The following PRRX1 variants were observed in gnomAD, a reference collection of about 807,000 sequenced individuals.
PRRX1 encodes the protein paired related homeobox 1.
A neutral mutation model predicts 24.0 loss-of-function variants in PRRX1; 8 were observed. That is an observed-to-expected ratio of 0.33 (90% CI 0.20 to 0.60). The LOEUF (loss-of-function observed/expected upper bound fraction) is 0.60, where lower values mean the gene tolerates loss of function less well. Ranked by LOEUF, PRRX1 falls within the 20% of genes least tolerant of loss-of-function variation. The pLI is 0.82. For synonymous variants in PRRX1, 160 were observed against 131.7 expected, an observed-to-expected ratio of 1.22 and a Z score of -1.47; for missense variants, 281 against 322.4, an observed-to-expected ratio of 0.87 and a Z score of 0.98.
At chr1:170,702,789 A>C (rs1270870293) in intron 1 of PRRX1, among the ~76,000 whole-genome samples, 1 of 152,248 alleles carries the variant, frequency 6.6e-6, no homozygotes, top group Non-Finnish European at 1.5e-5. Context: ...AGTGTTTTTA[A>C]AACTTGGAAA....
At chr1:170,727,093 G>C (rs986045019) in intron 3 of PRRX1, 2 of 152,076 alleles carry the variant, frequency 1.3e-5, no homozygotes, top group East Asian at 3.8e-4. Flanking sequence ...GTGTGTATTT[G>C]TGTGTGTGCG....
intron 1 of PRRX1, among the ~76,000 whole-genome samples, chr1:170,686,548 A>C (rs970483270): frequency 3.3e-5 from 5 of 152,144 alleles, no homozygotes; most frequent in African/African-American, 9.7e-5. Context: ...TTCTAGCCTT[A>C]GGGGGTAGCT....
intron 1 of PRRX1, among the ~76,000 whole-genome samples, chr1:170,713,781 T>C (rs1418299402): frequency 6.6e-6 from 1 of 152,210 alleles, no homozygotes; most frequent in Non-Finnish European, 1.5e-5. Flanking sequence ...TAAGGCTTAG[T>C]CTGATACTTG....
intron 3 of PRRX1, among the ~76,000 whole-genome samples, chr1:170,733,866 CTAAA>C (rs1655521058): frequency 6.6e-6 from 1 of 152,058 alleles, no homozygotes; most frequent in South Asian, 2.1e-4. Flanking sequence ...GAACTGTGAA[CTAAA>C]TGATAATACA....
At chr1:170,726,640 C>A (rs557645421) in intron 3 of PRRX1, 1 of 503,894 alleles carries the variant, frequency 2.0e-6, no homozygotes, top group African/African-American at 1.9e-5. Context: ...GACTCAGGAA[C>A]TCTTGCAAAG....
chr1:170,705,554 A>G (rs1654529732), intron 1 of PRRX1, among the ~76,000 whole-genome samples: 1 of 152,142 alleles, frequency 6.6e-6, no homozygotes, highest in Non-Finnish European at 1.5e-5. Context: ...AAGTGCTGGA[A>G]TTACAGGTGT....
intron 3 of PRRX1, among the ~76,000 whole-genome samples, chr1:170,730,039 C>T (rs539833565): frequency 1.1e-4 from 17 of 152,234 alleles, no homozygotes; most frequent in Admixed American, 7.9e-4. Flanking sequence ...GACATCCTTT[C>T]CTAGGTGAAG....
intron 1 of PRRX1, among the ~76,000 whole-genome samples, chr1:170,685,125 T>C (rs972884187): frequency 1.3e-5 from 2 of 152,256 alleles, no homozygotes; most frequent in Non-Finnish European, 2.9e-5. Flanking sequence ...TGCTGAAATA[T>C]TGGTTTTGGA....
At chr1:170,677,868 A>G (rs1056683358) in intron 1 of PRRX1, among the ~76,000 whole-genome samples, 3 of 152,230 alleles carry the variant, frequency 2.0e-5, no homozygotes, top group Admixed American at 6.5e-5. Context: ...ATTGAAGAAG[A>G]CAAATCCCCT....
chr1:170,701,264 G>T lies in PRRX1; in HGVS notation c.242-18462G>T, dbSNP rs560567171. On this transcript the variant is annotated intron_variant, in intron 1 of 3. Coordinates refer to ENST00000239461, the MANE Select transcript of PRRX1 (RefSeq NM_022716.4). Reference sequence around the variant, plus strand: ...ACATAACTCATTTTTGAAGTTACTTGCTTATATATCTGTTTTTCTTCACTA... The same window carrying T: ...ACATAACTCATTTTTGAAGTTACTTTCTTATATATCTGTTTTTCTTCACTA... Among the ~76,000 whole-genome samples, 6 of 152,096 alleles carry T rather than the reference G, an allele frequency of 3.9e-5. No individual in the cohort carries two copies. The East Asian group carries it at 7.7e-4, about 20-fold the overall frequency.
chr1:170,730,310 G>A (rs1655395572), intron 3 of PRRX1: 2 of 1,612,688 alleles, frequency 1.2e-6, no homozygotes, highest in Non-Finnish European at 1.7e-6. Flanking sequence ...GTTTACACGA[G>A]GGGCTTCATA....
At chr1:170,692,765 A>G (rs75118256) in intron 1 of PRRX1, among the ~76,000 whole-genome samples, 1,857 of 150,868 alleles carry the variant, frequency 0.012, 36 homozygotes, top group African/African-American at 0.043. Context: ...ACACACACAG[A>G]CACACGTGCA....
chr1:170,697,733 C>T (rs911437272), intron 1 of PRRX1, among the ~76,000 whole-genome samples: 29 of 142,608 alleles, frequency 2.0e-4, no homozygotes, highest in Non-Finnish European at 3.8e-4. Flanking sequence ...TAAATATATA[C>T]ATATATAAAT....
chr1:170,681,136 T>C (rs959292116), intron 1 of PRRX1, among the ~76,000 whole-genome samples: 42 of 152,228 alleles, frequency 2.8e-4, no homozygotes, highest in African/African-American at 9.4e-4. Context: ...GATCAGGTAC[T>C]GTGCTGGGTA....
rs527783134 is a variant in PRRX1, at chr1:170,737,542, G to A, written c.*1356G>A. The A allele has an allele frequency of 8.6e-5, 18 of 210,010 alleles. No homozygotes were observed. In the South Asian group the frequency reaches 1.3e-3, roughly 15 times the overall value. 13.0% of individuals were successfully genotyped at this position (210,010 alleles called of 1,614,324 possible). A position where few individuals can be genotyped will look rare whatever the true frequency, so the allele number is the denominator to read the frequency against. On this transcript the variant is annotated 3_prime_UTR_variant, in exon 4 of 4. Coordinates refer to ENST00000239461, the MANE Select transcript of PRRX1 (RefSeq NM_022716.4). ...CATCTATCCGTTCTTCACTTAGCAG[G>A]AATATGAAAGAAAGGCACATGTTTA...
At chr1:170,730,349 G>GT in intron 3 of PRRX1, 2 of 1,605,990 alleles carry the variant, frequency 1.2e-6, no homozygotes, top group African/African-American at 1.3e-5. Context: ...CACTGAAAAG[G>GT]TAACTTGTCA....
At chr1:170,721,281 T>C (rs1337660695) in intron 2 of PRRX1, among the ~76,000 whole-genome samples, 1 of 152,220 alleles carries the variant, frequency 6.6e-6, no homozygotes, top group Non-Finnish European at 1.5e-5. Context: ...CCAATCTGTC[T>C]TGTCTTCCTT....
At chr1:170,698,892 G>T (rs989726296) in intron 1 of PRRX1, among the ~76,000 whole-genome samples, 2 of 152,088 alleles carry the variant, frequency 1.3e-5, no homozygotes, top group African/African-American at 4.8e-5. Context: ...TGGAGAAGGG[G>T]CCCCGGGCTA....
At chr1:170,689,765 C>A (rs1398441843) in intron 1 of PRRX1, among the ~76,000 whole-genome samples, 1 of 150,130 alleles carries the variant, frequency 6.7e-6, no homozygotes, top group South Asian at 2.1e-4. Context: ...GTTGGGTTGT[C>A]ATAAAGACCA....
Sources: gnomAD v4.1 joint callset for allele counts (sites outside exome capture counted in the v4.1 genomes callset) on GRCh38, gnomAD v4.1.1 for gene constraint, MANE v1.5 for transcripts, NCBI Gene and HGNC (gene_info 2026-07-23, HGNC 2026-07-21) for gene names.